Variants in CORIN observed in about 807,000 individuals in gnomAD.
CORIN encodes corin, serine peptidase.
CORIN carries 117 observed loss-of-function variants against 125.3 expected under a neutral mutation model. That is an observed-to-expected ratio of 0.93 (90% confidence interval 0.80 to 1.09). The LOEUF (loss-of-function observed/expected upper bound fraction) is 1.09, where lower values mean the gene tolerates loss of function less well. Among genes scored for constraint, CORIN ranks in the 50% least tolerant of loss-of-function variants. The pLI, the probability that CORIN is intolerant of heterozygous loss-of-function variation, is 0.00. For missense variants in CORIN, 1,253 were observed against 1,306.7 expected, an observed-to-expected ratio of 0.96 and a Z score of 0.63; for synonymous variants, 450 against 466.4, an observed-to-expected ratio of 0.96 and a Z score of 0.45.
At chr4:47,671,216 T>C (rs1276814743) in intron 10 of CORIN, among the ~76,000 whole-genome samples, 3 of 152,142 alleles carry the variant, frequency 2.0e-5, no homozygotes, top group Non-Finnish European at 4.4e-5. Flanking sequence ...AATCACATAA[T>C]ATTTTATGGG....
chr4:47,746,935 T>C (rs1465088349), intron 4 of CORIN, among the ~76,000 whole-genome samples: 1 of 152,132 alleles, frequency 6.6e-6, no homozygotes, highest in East Asian at 1.9e-4. Flanking sequence ...ATTGAATCAG[T>C]ATTTGTCAAA....
intron 1 of CORIN, among the ~76,000 whole-genome samples, chr4:47,811,663 C>A (rs950861299): frequency 2.6e-5 from 4 of 152,126 alleles, no homozygotes; most frequent in Non-Finnish European, 5.9e-5. Context: ...CCGCGCCCAG[C>A]CGAGGATTAT....
At chr4:47,720,998 CA>C (rs1365643429) in intron 5 of CORIN, among the ~76,000 whole-genome samples, 1 of 152,190 alleles carries the variant, frequency 6.6e-6, no homozygotes, top group East Asian at 1.9e-4. Context: ...TCAGTCCATT[CA>C]GGCTGCTAAA....
At chr4:47,728,904 T>C (rs1727725938) in intron 5 of CORIN, among the ~76,000 whole-genome samples, 1 of 152,202 alleles carries the variant, frequency 6.6e-6, no homozygotes. Context: ...GAAGAATGAA[T>C]GCAGATGAGG....
intron 13 of CORIN, among the ~76,000 whole-genome samples, chr4:47,648,141 T>C (rs1723570382): frequency 6.6e-6 from 1 of 152,226 alleles, no homozygotes; most frequent in African/African-American, 2.4e-5. Flanking sequence ...AGTGACATTT[T>C]GGTGCAATTA....
intron 3 of CORIN, among the ~76,000 whole-genome samples, chr4:47,766,410 T>C (rs1481047257): frequency 1.3e-5 from 2 of 152,142 alleles, no homozygotes; most frequent in Non-Finnish European, 2.9e-5. Flanking sequence ...CACACACTCT[T>C]ACTATTTCTT....
At chr4:47,709,060 T>C (rs1297327423) in intron 5 of CORIN, among the ~76,000 whole-genome samples, 1 of 152,116 alleles carries the variant, frequency 6.6e-6, no homozygotes, top group Non-Finnish European at 1.5e-5. Flanking sequence ...GACGAGGAGC[T>C]TAGCCTTGAC....
At chr4:47,835,398 G>A (rs2057417069) in intron 1 of CORIN, among the ~76,000 whole-genome samples, 2 of 152,274 alleles carry the variant, frequency 1.3e-5, no homozygotes, top group South Asian at 2.1e-4. Context: ...TCAGTGTTGC[G>A]GCTCTCCTGC....
chr4:47,831,673 T>C (rs1360070755), intron 1 of CORIN, among the ~76,000 whole-genome samples: 2 of 152,116 alleles, frequency 1.3e-5, no homozygotes, highest in East Asian at 1.9e-4. Context: ...ATATACTTCA[T>C]GGGGTAAGAA....
chr4:47,609,583 A>G (rs545464829), intron 19 of CORIN, among the ~76,000 whole-genome samples: 141 of 136,428 alleles, frequency 1.0e-3, no homozygotes, highest in African/African-American at 3.4e-3. Context: ...GGCAAGGTAA[A>G]CGGATTTTTT....
At chr4:47,781,776 A>G (rs942264610) in intron 3 of CORIN, among the ~76,000 whole-genome samples, 1 of 151,996 alleles carries the variant, frequency 6.6e-6, no homozygotes, top group Non-Finnish European at 1.5e-5. Context: ...TGTCTCTAGT[A>G]AAAATACAAA....
intron 5 of CORIN, among the ~76,000 whole-genome samples, chr4:47,709,279 A>C (rs1439805543): frequency 1.8e-5 from 1 of 55,544 alleles, no homozygotes. Context: ...TACTTTATTT[A>C]TTTATTTATT....
chr4:47,696,359 G>T (rs1416603837), intron 5 of CORIN, among the ~76,000 whole-genome samples: 1 of 152,114 alleles, frequency 6.6e-6, no homozygotes, highest in Non-Finnish European at 1.5e-5. Flanking sequence ...ATCAATGGCA[G>T]ATTGATAACT....
Position 47,766,063 on chromosome 4 carries a change from C to G in CORIN, c.410-2477G>C, listed in dbSNP as rs929561523. On this transcript the variant is annotated intron_variant, in intron 3 of 21. Transcript: ENST00000273857. ...GGCTTTCTTTGAAAAGTAGCCGGTT[C>G]AGAGGCAGAGCTCAAAATCGAATCT... 4.6e-5 allele frequency among the ~76,000 whole-genome samples: 7 copies of G among 152,170 alleles called. No individual in the cohort carries two copies. The East Asian group carries it at 1.3e-3, about 29-fold the overall frequency.
chr4:47,776,817 A>T (rs187170710), intron 3 of CORIN, among the ~76,000 whole-genome samples: 78 of 152,354 alleles, frequency 5.1e-4, no homozygotes, highest in African/African-American at 1.7e-3. Flanking sequence ...TTGATTCAAG[A>T]TAATTATTAA....
intron 10 of CORIN, among the ~76,000 whole-genome samples, chr4:47,666,891 A>G (rs974902667): frequency 1.3e-5 from 2 of 152,232 alleles, no homozygotes; most frequent in African/African-American, 4.8e-5. Flanking sequence ...ATACTAAGAC[A>G]GACATATTGA....
chr4:47,823,615 T>C (rs2109979034), intron 1 of CORIN, among the ~76,000 whole-genome samples: 1 of 152,386 alleles, frequency 6.6e-6, no homozygotes, highest in East Asian at 1.9e-4. Context: ...CAGATATTTA[T>C]ACACATATCT....
intron 9 of CORIN, among the ~76,000 whole-genome samples, chr4:47,675,503 T>A (rs1306493022): frequency 6.6e-6 from 1 of 152,132 alleles, no homozygotes; most frequent in African/African-American, 2.4e-5. Flanking sequence ...CTAAACAATT[T>A]CTGTGAGTTT....
At chr4:47,629,650 C>A (rs1040998777) in intron 16 of CORIN, among the ~76,000 whole-genome samples, 3 of 152,062 alleles carry the variant, frequency 2.0e-5, no homozygotes, top group Admixed American at 2.0e-4. Context: ...CTTTGTCAAG[C>A]TCTTTCTACA....
Sources: allele counts gnomAD v4.1 joint callset (sites outside exome capture counted in the v4.1 genomes callset), GRCh38; gene constraint gnomAD v4.1.1; transcripts MANE v1.5; gene names NCBI Gene and HGNC (gene_info 2026-07-23, HGNC 2026-07-21).